Variants in HPCAL1 observed in about 807,000 individuals in gnomAD.
HPCAL1 encodes the protein hippocalcin like 1.
In HPCAL1, 8 loss-of-function variants were observed where a neutral mutation model predicts 17.1. The observed-to-expected ratio is 0.47, with a 90% CI of 0.27 to 0.84. HPCAL1 has a LOEUF of 0.84. Among genes scored for constraint, HPCAL1 ranks in the 40% least tolerant of loss-of-function variants. HPCAL1 has a pLI of 0.13. For synonymous variants in HPCAL1, 112 were observed against 111.4 expected (o/e 1.01, Z -0.03); for missense variants, 165 against 271.1 (o/e 0.61, Z 2.75).
intron 1 of HPCAL1, among the ~76,000 whole-genome samples, chr2:10,329,273 C>T (rs1035110660): frequency 2.0e-5 from 3 of 152,192 alleles, no homozygotes; most frequent in African/African-American, 7.2e-5. Context: ...GGATATGTTG[C>T]CTTATACGGT....
intron 4 of HPCAL1, chr2:10,424,452 G>T (rs185159156): frequency 1.3e-3 from 615 of 467,386 alleles, no homozygotes; most frequent in South Asian, 1.9e-3. Context: ...TGAGGTTTCA[G>T]CGAGATGATG....
At chr2:10,337,061 A>G (rs1664767869) in intron 1 of HPCAL1, among the ~76,000 whole-genome samples, 2 of 152,102 alleles carry the variant, frequency 1.3e-5, no homozygotes, top group Non-Finnish European at 2.9e-5. Context: ...CAGGAACAAT[A>G]TACCTCTTAA....
rs898669433 is a variant in HPCAL1 at position 10,343,249 on chromosome 2, T to A, written c.-111+40072T>A. ...TAGCACACCATGGAGGCCTGCCCCG[T>A]CCCCATAAAACACACCACATTCAAA... On this transcript the variant is annotated intron_variant, in intron 1 of 4. Coordinates refer to ENST00000307845, the MANE Select transcript of HPCAL1 (RefSeq NM_002149.4). This position sits in a 1 kb window ranked among gnomAD's most constrained non-coding sequence, Gnocchi z 4.8. Among the ~76,000 whole-genome samples the A allele has an allele frequency of 6.6e-6, 1 of 152,116 alleles. No homozygotes were observed. The highest frequency in any genetic ancestry group is 1.5e-5 in the Non-Finnish European group (1 of 68,020).
intron 2 of HPCAL1, among the ~76,000 whole-genome samples, chr2:10,414,849 C>T (rs1345114694): frequency 6.6e-6 from 1 of 152,228 alleles, no homozygotes; most frequent in Non-Finnish European, 1.5e-5. Flanking sequence ...AGCCTTCTCA[C>T]GTACTGGTCC....
chr2:10,391,414 T>C, intron 1 of HPCAL1, among the ~76,000 whole-genome samples: 1 of 152,250 alleles, frequency 6.6e-6, no homozygotes, highest in Non-Finnish European at 1.5e-5. Flanking sequence ...TAGATTCCTT[T>C]TTATTATTTT....
intron 1 of HPCAL1, among the ~76,000 whole-genome samples, chr2:10,305,855 G>A (rs1662590042): frequency 1.3e-5 from 2 of 152,220 alleles, no homozygotes; most frequent in Admixed American, 6.5e-5. Flanking sequence ...GCCCCAGCCA[G>A]GCGCCCCATA....
Position 10,331,972 on chromosome 2 carries a change from C to A in HPCAL1, c.-111+28795C>A, listed in dbSNP as rs1664412671. On this transcript the variant is annotated intron_variant, in intron 1 of 4. Transcript: ENST00000307845. The surrounding 1 kb of genome is among the most constrained non-coding windows in gnomAD (Gnocchi z 5.0). ...TGTTGTTGCTTCACAGGGAGCACTCCTTGTCACCTATTGTCATTTATGAGC... is the reference window on the plus strand; with the variant it reads ...TGTTGTTGCTTCACAGGGAGCACTCATTGTCACCTATTGTCATTTATGAGC... Among the ~76,000 whole-genome samples the A allele has an allele frequency of 6.6e-6, 1 of 151,466 alleles. No homozygotes were observed. Among genetic ancestry groups the A allele is most frequent in the Non-Finnish European group, 1.5e-5 (1 of 67,812 alleles).
intron 1 of HPCAL1, among the ~76,000 whole-genome samples, chr2:10,357,363 T>C (rs572307508): frequency 6.6e-6 from 1 of 152,220 alleles, no homozygotes; most frequent in East Asian, 1.9e-4. Context: ...CGTGTTCTTC[T>C]GCACTGTTAT....
At chr2:10,313,343 G>A (rs1219089376) in intron 1 of HPCAL1, among the ~76,000 whole-genome samples, 3 of 152,124 alleles carry the variant, frequency 2.0e-5, no homozygotes, top group Non-Finnish European at 4.4e-5. Context: ...GGTGACCCCC[G>A]CATTCTGGGC....
intron 1 of HPCAL1, among the ~76,000 whole-genome samples, chr2:10,352,787 A>G (rs1665914554): frequency 6.6e-6 from 1 of 152,210 alleles, no homozygotes. Context: ...GGCTCTGCCC[A>G]GGCCTTCTGA....
chr2:10,341,616 G>A (rs1665088460), intron 1 of HPCAL1, among the ~76,000 whole-genome samples: 1 of 152,056 alleles, frequency 6.6e-6, no homozygotes, highest in South Asian at 2.1e-4. Flanking sequence ...AGCTGCTGAA[G>A]GACTTCAGAA....
At chr2:10,403,958 T>G (rs770978740) in intron 2 of HPCAL1, among the ~76,000 whole-genome samples, 7 of 152,196 alleles carry the variant, frequency 4.6e-5, no homozygotes, top group Non-Finnish European at 1.0e-4. Context: ...CTCTTCCTTC[T>G]TCTGGCTGCC....
rs1221598362 is a variant in HPCAL1 at position 10,394,793 on chromosome 2, C to CTTTTA, written c.-110-2027_-110-2023dup. Among the ~76,000 whole-genome samples, 1 of 151,926 alleles carries CTTTTA rather than the reference C, an allele frequency of 6.6e-6. No homozygotes were observed. Among genetic ancestry groups the CTTTTA allele is most frequent in the African/African-American group, 2.4e-5 (1 of 41,358 alleles). ...GTTGGGAAGACCTAAAAAATAAAAT[C>CTTTTA]TTTTATTTTATTTTATTTTTTTGAG... On this transcript the variant is annotated intron_variant, in intron 1 of 4. Transcript: ENST00000307845. The surrounding 1 kb of genome is among the most constrained non-coding windows in gnomAD (Gnocchi z 5.0).
intron 1 of HPCAL1, among the ~76,000 whole-genome samples, chr2:10,364,630 G>T (rs1666734143): frequency 6.6e-6 from 1 of 151,770 alleles, no homozygotes; most frequent in East Asian, 1.9e-4. Context: ...TGTCACCCAG[G>T]CTGGAGTGCG....
chr2:10,348,583 G>A (rs973572958), intron 1 of HPCAL1, among the ~76,000 whole-genome samples: 35 of 145,592 alleles, frequency 2.4e-4, no homozygotes, highest in African/African-American at 9.0e-4. Flanking sequence ...GGGTAGCATA[G>A]CAAGATCCTG....
chr2:10,313,825 T>C (rs1663133029), intron 1 of HPCAL1, among the ~76,000 whole-genome samples: 2 of 152,188 alleles, frequency 1.3e-5, no homozygotes, highest in South Asian at 2.1e-4. Context: ...CTAGCTAAAT[T>C]GACTGCAAAA....
chr2:10,318,521 G>A (rs944076533), intron 1 of HPCAL1, among the ~76,000 whole-genome samples: 4 of 152,238 alleles, frequency 2.6e-5, no homozygotes, highest in East Asian at 3.9e-4. Context: ...GGCCGCACGT[G>A]GGTGTGGTTA....
chr2:10,400,832 C>T (rs887420503), intron 2 of HPCAL1, among the ~76,000 whole-genome samples: 2 of 152,158 alleles, frequency 1.3e-5, no homozygotes, highest in Admixed American at 1.3e-4. Context: ...TCTCATCTGC[C>T]CTGGAATTGG....
chr2:10,346,934 C>T (rs975494504), intron 1 of HPCAL1, among the ~76,000 whole-genome samples: 4 of 143,548 alleles, frequency 2.8e-5, no homozygotes, highest in African/African-American at 1.0e-4. Flanking sequence ...AACATTTGTT[C>T]CTCTTGTCAT....
Sources: gnomAD v4.1 joint callset for allele counts (sites outside exome capture counted in the v4.1 genomes callset) on GRCh38, gnomAD v4.1.1 for gene constraint, Gnocchi (gnomAD v3.1) non-coding constraint, MANE v1.5 for transcripts, NCBI Gene and HGNC (gene_info 2026-07-23, HGNC 2026-07-21) for gene names.